Variants in TTC17 observed in about 807,000 individuals in gnomAD.
The protein encoded by TTC17 is tetratricopeptide repeat domain 17, also known as tetratricopeptide repeat protein 17.
TTC17 carries 58 observed loss-of-function variants against 143.8 expected under a neutral mutation model. That is an observed-to-expected ratio of 0.40 (90% CI 0.33 to 0.50). The LOEUF (loss-of-function observed/expected upper bound fraction) is 0.50. Ranked by LOEUF, TTC17 falls within the 20% of genes least tolerant of loss-of-function variation. The pLI, the probability that TTC17 is intolerant of heterozygous loss-of-function variation, is 0.49. For synonymous variants in TTC17, 501 were observed against 497.8 expected (o/e 1.01, Z -0.09); for missense variants, 1,273 against 1,392.5 (o/e 0.91, Z 1.37).
Position 43,389,667 on chromosome 11 carries a change from C to A in TTC17, c.265C>A (p.Gln89Lys). ...TTCTCAACAGAAACAATTAGTTGCTCAAAAAATTCACATAGAAGAGAATGA... is the reference window on the plus strand; with the variant it reads ...TTCTCAACAGAAACAATTAGTTGCTAAAAAAATTCACATAGAAGAGAATGA... ...LKELEKQLVAQKIHIEENEDR... is the reference protein window; with the variant it reads ...LKELEKQLVAKKIHIEENEDR... The change falls in exon 3 of 24, where the codon CAA becomes AAA. Residue 89 changes from glutamine to lysine, a missense_variant. Coordinates refer to ENST00000039989, the MANE Select transcript of TTC17 (RefSeq NM_018259.6). The A allele has an allele frequency of 6.2e-7, 1 of 1,606,302 alleles. No individual in the cohort carries two copies. The highest frequency in any genetic ancestry group is 1.1e-5 in the South Asian group (1 of 88,966).
rs1857091574 is a variant in TTC17 at position 43,384,313 on chromosome 11, G to A, written c.249+4991G>A. On this transcript the variant is annotated intron_variant, in intron 2 of 23. Coordinates refer to ENST00000039989, the MANE Select transcript of TTC17 (RefSeq NM_018259.6). Reference sequence around the variant, plus strand: ...ACAGTTCCTTATTTGAAATCATTGGGGCTATATATGTATTTAGGAATATGG... The same window carrying A: ...ACAGTTCCTTATTTGAAATCATTGGAGCTATATATGTATTTAGGAATATGG... Among the ~76,000 whole-genome samples, 3 of 152,100 alleles carry A rather than the reference G, an allele frequency of 2.0e-5. No individual in the cohort carries two copies. In the South Asian group the frequency reaches 6.2e-4, roughly 32 times the overall value.
At chr11:43,474,746 C>T (rs1237148886) in intron 21 of TTC17, among the ~76,000 whole-genome samples, 2 of 152,122 alleles carry the variant, frequency 1.3e-5, no homozygotes, top group Non-Finnish European at 2.9e-5. Context: ...ACTAATAGCC[C>T]ACTATTGACT....
intron 21 of TTC17, among the ~76,000 whole-genome samples, chr11:43,480,230 A>G (rs1375718410): frequency 4.6e-5 from 7 of 152,212 alleles, no homozygotes; most frequent in Non-Finnish European, 8.8e-5. Flanking sequence ...GAAGCTTACT[A>G]TATGCCATTT....
chr11:43,470,845 G>A lies in TTC17; in HGVS notation c.3031-19394G>A, dbSNP rs186809151. Among the ~76,000 whole-genome samples, 472 of 152,194 alleles carry A rather than the reference G, an allele frequency of 3.1e-3. 1 individual carries two copies. Among genetic ancestry groups the A allele is most frequent in the South Asian group, 6.0e-3 (29 of 4,824 alleles). ...TACTGGGTGATACTGCTGACCTGAG[G>A]ACCCCACGTTAAAACCAATGCCTTA... is the stretch of plus-strand genomic sequence containing the variant. On this transcript the variant is annotated intron_variant, in intron 21 of 23. Coordinates refer to ENST00000039989, the MANE Select transcript of TTC17 (RefSeq NM_018259.6).
intron 16 of TTC17, among the ~76,000 whole-genome samples, chr11:43,439,343 T>G (rs570378361): frequency 5.9e-5 from 9 of 152,218 alleles, no homozygotes; most frequent in Non-Finnish European, 1.3e-4. Flanking sequence ...TGCTCTGCTT[T>G]GGATATCTCT....
chr11:43,391,959 C>T lies in TTC17; in HGVS notation c.663+7C>T. The stretch of plus-strand genomic sequence containing the variant: ...TCATGAAGGCCTACAGAAGGTAAGT[C>T]ATCAGTCACTTAAAGAGCCAGCGGG... On this transcript the variant is annotated splice_region_variant and intron_variant, in intron 5 of 23. Coordinates refer to ENST00000039989, the MANE Select transcript of TTC17 (RefSeq NM_018259.6). 6.2e-7 allele frequency: 1 copy of T among 1,600,226 alleles called. No homozygotes were observed. Among genetic ancestry groups the T allele is most frequent in the East Asian group, 2.2e-5 (1 of 44,470 alleles).
intron 1 of TTC17, among the ~76,000 whole-genome samples, chr11:43,362,731 C>G (rs989639950): frequency 2.2e-4 from 34 of 152,196 alleles, no homozygotes; most frequent in Non-Finnish European, 4.1e-4. Context: ...GTAGGTGGGA[C>G]TACAGGCTTG....
intron 1 of TTC17, among the ~76,000 whole-genome samples, chr11:43,378,150 G>C (rs1451016428): frequency 6.6e-6 from 1 of 152,148 alleles, no homozygotes; most frequent in Non-Finnish European, 1.5e-5. Flanking sequence ...TGATCCACCT[G>C]CCTCGGCCTC....
rs535206648 is a variant in TTC17, at chr11:43,411,722, CTT to C, written c.2065-2866_2065-2865del. Among the ~76,000 whole-genome samples the C allele has an allele frequency of 2.5e-3, 373 of 152,230 alleles. 3 individuals are homozygous for C. The highest frequency in any genetic ancestry group is 8.6e-3 in the African/African-American group (359 of 41,540). On this transcript the variant is annotated intron_variant, in intron 15 of 23. Transcript: ENST00000039989. The stretch of plus-strand genomic sequence containing the variant: ...TTTTGTCATAGGGATAATTATAACA[CTT>C]TGTTTCCTTATGCAAAATATAAAGA...
At chr11:43,480,495 G>A (rs1789937959) in intron 21 of TTC17, among the ~76,000 whole-genome samples, 6 of 152,084 alleles carry the variant, frequency 3.9e-5, no homozygotes, top group Admixed American at 6.6e-5. Flanking sequence ...CAAGAGTGCC[G>A]TTCTAAAGAA....
At chr11:43,460,245 T>G (rs1025220202) in intron 21 of TTC17, among the ~76,000 whole-genome samples, 2 of 152,186 alleles carry the variant, frequency 1.3e-5, no homozygotes, top group Admixed American at 1.3e-4. Flanking sequence ...TGTTTAGTTC[T>G]TCTCTCTTTT....
At chr11:43,441,301 G>A (rs975747167) in intron 16 of TTC17, among the ~76,000 whole-genome samples, 1 of 151,192 alleles carries the variant, frequency 6.6e-6, no homozygotes, top group African/African-American at 2.4e-5. Context: ...GTCCCTATGG[G>A]GAGTGACCTC....
chr11:43,493,252 G>A (rs1194121972), intron 23 of TTC17, among the ~76,000 whole-genome samples: 1 of 152,168 alleles, frequency 6.6e-6, no homozygotes, highest in Non-Finnish European at 1.5e-5. Context: ...ATCTTTAAAT[G>A]TTAAAGAGAA....
intron 21 of TTC17, among the ~76,000 whole-genome samples, chr11:43,462,414 G>C (rs917615168): frequency 4.6e-5 from 7 of 152,200 alleles, no homozygotes; most frequent in African/African-American, 1.7e-4. Flanking sequence ...ACTTAATCCT[G>C]AAGAGTAGAA....
Position 43,405,866 on chromosome 11 carries a change from A to G in TTC17, c.1676A>G (p.Lys559Arg). ...GACTGTTCCATAACTGACTTCAGAA[A>G]AAGCCACACTCTGTCCTACTTAGTC... is the stretch of plus-strand genomic sequence containing the variant. ...TPDCSITDFR[K>R]SHTLSYLVKE... The change falls in exon 13 of 24, where the codon AAA becomes AGA. Residue 559 changes from lysine to arginine, a missense_variant. Around this residue, in one of 3 missense-constraint regions of TTC17, gnomAD observed 878 missense variants for 899.8 expected, o/e 0.98. Coordinates refer to ENST00000039989, the MANE Select transcript of TTC17 (RefSeq NM_018259.6). 6.2e-7 allele frequency: 1 copy of G among 1,614,070 alleles called. No homozygotes were observed. The highest frequency in any genetic ancestry group is 2.2e-5 in the East Asian group (1 of 44,884).
intron 18 of TTC17, chr11:43,446,346 T>C (rs1173384794): frequency 6.9e-6 from 2 of 288,906 alleles, no homozygotes; most frequent in Non-Finnish European, 1.1e-5. Context: ...GTTCTATATC[T>C]TCGCTCTAGC....
At chr11:43,462,799 G>A (rs1289244403) in intron 21 of TTC17, among the ~76,000 whole-genome samples, 1 of 151,986 alleles carries the variant, frequency 6.6e-6, no homozygotes, top group Non-Finnish European at 1.5e-5. Flanking sequence ...CCCAATCAAA[G>A]TAGATTTGAA....
intron 1 of TTC17, among the ~76,000 whole-genome samples, chr11:43,370,917 T>G (rs1343358619): frequency 6.6e-6 from 1 of 150,876 alleles, no homozygotes; most frequent in Non-Finnish European, 1.5e-5. Flanking sequence ...TTCTCCCACC[T>G]CAGTCTCTCA....
intron 19 of TTC17, chr11:43,449,787 CTATAA>C (rs1947621280): frequency 6.4e-6 from 2 of 311,800 alleles, no homozygotes; most frequent in Non-Finnish European, 1.2e-5. Context: ...GGCTGTATCT[CTATAA>C]GATTTACTGT....
Sources: allele counts gnomAD v4.1 joint callset (sites outside exome capture counted in the v4.1 genomes callset), GRCh38; gene constraint gnomAD v4.1.1; regional missense constraint gnomAD v4.1.1; transcripts MANE v1.5; gene names NCBI Gene and HGNC (gene_info 2026-07-23, HGNC 2026-07-21).